The following STAT3 variants were observed in gnomAD, a reference collection of about 807,000 sequenced individuals.
STAT3 encodes the protein DNA-binding protein APRF.
STAT3 carries 7 observed loss-of-function variants against 114.3 expected under a neutral mutation model. The ratio of observed to expected loss-of-function variants is 0.06; its 90% CI spans 0.03 to 0.11. STAT3 has a LOEUF of 0.11. Among genes scored for constraint, STAT3 ranks in the 10% least tolerant of loss-of-function variants. The pLI, the probability that STAT3 is intolerant of heterozygous loss-of-function variation, is 1.00. For synonymous variants in STAT3, 331 were observed against 354.5 expected, an observed-to-expected ratio of 0.93 and a Z score of 0.74; for missense variants, 364 against 960.9, an observed-to-expected ratio of 0.38 and a Z score of 8.21.
intron 14 of STAT3, among the ~76,000 whole-genome samples, chr17:42,328,005 C>T (rs1175897188): frequency 2.0e-5 from 3 of 147,796 alleles, no homozygotes; most frequent in Non-Finnish European, 4.4e-5. Context: ...GAGATCGCAC[C>T]ACTGCAATCC....
chr17:42,360,369 G>A (rs2083453712), intron 1 of STAT3, among the ~76,000 whole-genome samples: 1 of 151,680 alleles, frequency 6.6e-6, no homozygotes, highest in African/African-American at 2.4e-5. Context: ...TTTTGGCCAG[G>A]CTCAGTGGCT....
rs1468355933 is a variant in STAT3, at chr17:42,324,242, C to T, written c.1600+469G>A. Among the ~76,000 whole-genome samples the T allele has an allele frequency of 6.6e-6, 1 of 151,948 alleles. No homozygotes were observed. The highest frequency in any genetic ancestry group is 2.4e-5 in the African/African-American group (1 of 41,364). ...GCCGAGGCAGAAGAATCGCTTGAACCCAGAAGGCGGAGGTTGCAGTGAGCC... is the reference window on the plus strand; with the variant it reads ...GCCGAGGCAGAAGAATCGCTTGAACTCAGAAGGCGGAGGTTGCAGTGAGCC... On this transcript the variant is annotated intron_variant, in intron 17 of 23. Transcript: ENST00000264657. The surrounding 1 kb of genome is among the most constrained non-coding windows in gnomAD (Gnocchi z 4.5).
intron 15 of STAT3, chr17:42,325,269 G>A (rs1433860744): frequency 1.8e-6 from 1 of 567,182 alleles, no homozygotes; most frequent in Non-Finnish European, 3.2e-6. Context: ...AACTCAGGCT[G>A]CAGTCGGAAT....
chr17:42,380,275 G>A lies in STAT3; in HGVS notation c.-24+8004C>T, dbSNP rs532598747. ...TGGTCTTGAACTCCTGACCCGCCTC[G>A]GCCTCCCAAAGTGCTGGAATTACAG... On this transcript the variant is annotated intron_variant, in intron 1 of 23. Transcript: ENST00000264657. 1.4e-4 allele frequency among the ~76,000 whole-genome samples: 21 copies of A among 151,690 alleles called. No individual in the cohort carries two copies. In the South Asian group the frequency reaches 2.9e-3, roughly 21 times the overall value.
In STAT3 at chr17:42,322,577, G is replaced by A. The variant is rs1241137372; in HGVS notation, c.1889-83C>T. 8 of 1,498,916 alleles carry A rather than the reference G, an allele frequency of 5.3e-6. No individual in the cohort carries two copies. In the Admixed American group the frequency reaches 6.7e-5, roughly 13 times the overall value. The allele number at this position is 1,498,916 out of a possible 1,614,324, so 92.9% of individuals were successfully genotyped here. A position where few individuals can be genotyped will look rare whatever the true frequency, so the allele number is the denominator to read the frequency against. On this transcript the variant is annotated intron_variant, in intron 20 of 23. Coordinates refer to ENST00000264657, the MANE Select transcript of STAT3 (RefSeq NM_139276.3). ...AAAACTGCCCATTTTTTCTTTCCTC[G>A]AAGGGGAAAAGACTTAAGCCACCCT...
intron 8 of STAT3, among the ~76,000 whole-genome samples, chr17:42,334,439 C>CTTTTTTT (rs56055491): frequency 1.4e-5 from 1 of 70,222 alleles, no homozygotes; most frequent in Non-Finnish European, 2.9e-5. Context: ...TGCGCCTGGC[C>CTTTTTTT]TTTTTTTTTT....
At chr17:42,319,960 A>T (rs1458952829) in intron 21 of STAT3, among the ~76,000 whole-genome samples, 2 of 152,194 alleles carry the variant, frequency 1.3e-5, no homozygotes, top group Non-Finnish European at 2.9e-5. Context: ...AAACGCTGAC[A>T]TCGCTGGGCA....
intron 1 of STAT3, among the ~76,000 whole-genome samples, chr17:42,373,231 T>C (rs1212265393): frequency 6.6e-6 from 1 of 152,068 alleles, no homozygotes; most frequent in African/African-American, 2.4e-5. Context: ...ACAACTATAA[T>C]CTCAGCTACT....
At chr17:42,332,817 C>T (rs1340094009) in intron 10 of STAT3, among the ~76,000 whole-genome samples, 1 of 150,690 alleles carries the variant, frequency 6.6e-6, no homozygotes, top group African/African-American at 2.4e-5. Flanking sequence ...CTGGCCTGGC[C>T]GAAAGAGCGA....
At chr17:42,354,310 C>CA (rs1391734306) in intron 1 of STAT3, among the ~76,000 whole-genome samples, 1 of 150,330 alleles carries the variant, frequency 6.7e-6, no homozygotes, top group Admixed American at 6.6e-5. Context: ...GCTGGGACTA[C>CA]AGGCATGCCC....
At chr17:42,317,350 G>C in intron 21 of STAT3, 126 bp from the exon 22 acceptor site, 1 of 1,153,252 alleles carries the variant, frequency 8.7e-7, no homozygotes, top group Non-Finnish European at 1.3e-6. Context: ...AAGATTGTCT[G>C]GAAAGCTCCA....
rs548332594 is a variant in STAT3 at position 42,315,497 on chromosome 17, C to T, written c.*248G>A. 8 of 598,032 alleles carry T rather than the reference C, an allele frequency of 1.3e-5. No homozygotes were observed. In the East Asian group the frequency reaches 2.2e-4, roughly 17 times the overall value. The allele number at this position is 598,032 out of a possible 1,614,324, so 37.0% of individuals were successfully genotyped here. A position where few individuals can be genotyped will look rare whatever the true frequency, so the allele number is the denominator to read the frequency against. Reference sequence around the variant, plus strand: ...CTCTAGCCACCCCCCGCCACATCCCCTGATCATGGGTCTCAGAGAACACAT... The same window carrying T: ...CTCTAGCCACCCCCCGCCACATCCCTTGATCATGGGTCTCAGAGAACACAT... On this transcript the variant is annotated 3_prime_UTR_variant, in exon 24 of 24. Coordinates refer to ENST00000264657, the MANE Select transcript of STAT3 (RefSeq NM_139276.3).
At chr17:42,381,696 C>T (rs2084809324) in intron 1 of STAT3, among the ~76,000 whole-genome samples, 1 of 147,586 alleles carries the variant, frequency 6.8e-6, no homozygotes. Flanking sequence ...AGCGCCACTG[C>T]ACTCCAGCCT....
chr17:42,356,326 T>C (rs1377379481), intron 1 of STAT3, among the ~76,000 whole-genome samples: 1 of 152,026 alleles, frequency 6.6e-6, no homozygotes, highest in Non-Finnish European at 1.5e-5. Context: ...CCAGGTGTGG[T>C]GGTCTGTGAC....
intron 8 of STAT3, among the ~76,000 whole-genome samples, chr17:42,334,786 A>G (rs998368671): frequency 6.6e-6 from 1 of 152,010 alleles, no homozygotes. Flanking sequence ...GTCCCTTCCT[A>G]AAATCTCAAA....
intron 10 of STAT3, 142 bp from the exon 11 acceptor site, chr17:42,331,673 A>C: frequency 1.4e-6 from 1 of 702,868 alleles, no homozygotes; most frequent in Non-Finnish European, 2.4e-6. Flanking sequence ...CACATCTATA[A>C]TCTCAGCACT....
chr17:42,317,377 G>T, intron 21 of STAT3, 153 bp from the exon 22 acceptor site: 2 of 858,462 alleles, frequency 2.3e-6, no homozygotes, highest in South Asian at 1.5e-5. Context: ...CCTCAGGGTT[G>T]TCTGCCCTCA....
intron 1 of STAT3, among the ~76,000 whole-genome samples, chr17:42,386,105 C>T (rs771438090): frequency 6.6e-5 from 10 of 151,930 alleles, no homozygotes; most frequent in Non-Finnish European, 1.2e-4. Flanking sequence ...TATGGTAAAA[C>T]CCCGGTCTCT....
intron 1 of STAT3, among the ~76,000 whole-genome samples, chr17:42,364,146 C>T (rs2083656996): frequency 6.6e-6 from 1 of 152,158 alleles, no homozygotes; most frequent in Non-Finnish European, 1.5e-5. Context: ...TACAGAAGTA[C>T]ACCTCCCCTA....
Sources: allele counts gnomAD v4.1 joint callset (sites outside exome capture counted in the v4.1 genomes callset), GRCh38; gene constraint gnomAD v4.1.1; non-coding constraint Gnocchi (gnomAD v3.1); transcripts MANE v1.5; gene names NCBI Gene and HGNC (gene_info 2026-07-23, HGNC 2026-07-21).